TMEM117: variants seen among roughly 807,000 people sequenced by gnomAD.
TMEM117 encodes the protein transmembrane protein 117.
A neutral mutation model predicts 52.4 loss-of-function variants in TMEM117; 27 were observed. The ratio of observed to expected loss-of-function variants is 0.51; its 90% CI spans 0.38 to 0.71. TMEM117 has a LOEUF of 0.71. Among genes scored for constraint, TMEM117 ranks in the 30% least tolerant of loss-of-function variants. TMEM117 has a pLI of 0.00. For missense variants in TMEM117, 556 were observed against 630.5 expected, an observed-to-expected ratio of 0.88 and a Z score of 1.26; for synonymous variants, 215 against 206.3, an observed-to-expected ratio of 1.04 and a Z score of -0.36.
intron 3 of TMEM117, among the ~76,000 whole-genome samples, chr12:43,975,771 CA>C (rs1329888562): frequency 1.3e-5 from 2 of 152,136 alleles, no homozygotes; most frequent in Non-Finnish European, 2.9e-5. Flanking sequence ...TGCTTTTATC[CA>C]TTAAACAAAG....
At chr12:44,344,309 C>A (rs941722427) in intron 6 of TMEM117, among the ~76,000 whole-genome samples, 1 of 152,052 alleles carries the variant, frequency 6.6e-6, no homozygotes, top group Non-Finnish European at 1.5e-5. Context: ...GAACAGACAC[C>A]CAGGGCTAGC....
chr12:43,987,166 C>T (rs916469518), intron 3 of TMEM117, among the ~76,000 whole-genome samples: 1 of 152,120 alleles, frequency 6.6e-6, no homozygotes, highest in African/African-American at 2.4e-5. Flanking sequence ...CAGACACAAG[C>T]ACACATAGAG....
intron 4 of TMEM117, among the ~76,000 whole-genome samples, chr12:44,161,246 C>G (rs1011068494): frequency 3.3e-5 from 5 of 152,110 alleles, no homozygotes; most frequent in African/African-American, 1.2e-4. Context: ...CTGTTCCTAT[C>G]TTAATAAACA....
At chr12:43,917,799 A>G (rs1482214616) in intron 2 of TMEM117, among the ~76,000 whole-genome samples, 3 of 152,284 alleles carry the variant, frequency 2.0e-5, no homozygotes, top group African/African-American at 7.2e-5. Context: ...ATAAACTCAT[A>G]GAAGGTGGGA....
chr12:44,392,888 A>G (rs1245366413), downstream of TMEM117, among the ~76,000 whole-genome samples: 4 of 152,104 alleles, frequency 2.6e-5, no homozygotes, highest in Admixed American at 2.6e-4. Context: ...ATGAGAAGAG[A>G]AAGAAAAATC....
intron 4 of TMEM117, among the ~76,000 whole-genome samples, chr12:44,171,779 G>T (rs1048090015): frequency 6.6e-6 from 1 of 152,098 alleles, no homozygotes; most frequent in Non-Finnish European, 1.5e-5. Flanking sequence ...ATCAAGACTG[G>T]GAGAGGGGAC....
At chr12:44,093,737 C>T (rs1215133943) in intron 3 of TMEM117, among the ~76,000 whole-genome samples, 1 of 128,750 alleles carries the variant, frequency 7.8e-6, no homozygotes, top group East Asian at 1.9e-4. Flanking sequence ...TACTAAGAGA[C>T]AGAATCATCT....
chr12:44,187,486 C>T (rs1306479608), intron 4 of TMEM117, among the ~76,000 whole-genome samples: 2 of 152,070 alleles, frequency 1.3e-5, no homozygotes, highest in Non-Finnish European at 1.5e-5. Context: ...GGGACAACAG[C>T]TATATATTTT....
At chr12:43,955,091 A>G (rs532472881) in intron 3 of TMEM117, among the ~76,000 whole-genome samples, 1 of 152,230 alleles carries the variant, frequency 6.6e-6, no homozygotes, top group Non-Finnish European at 1.5e-5. Flanking sequence ...ACACCGCTTC[A>G]TGTTAAAAAC....
chr12:44,151,581 C>G (rs1592560679), intron 4 of TMEM117, among the ~76,000 whole-genome samples: 1 of 139,448 alleles, frequency 7.2e-6, no homozygotes, highest in African/African-American at 2.7e-5. Context: ...CAGTATTTAT[C>G]CACCATTTAC....
intron 3 of TMEM117, among the ~76,000 whole-genome samples, chr12:44,108,552 T>C (rs1394690399): frequency 2.2e-5 from 2 of 91,628 alleles, no homozygotes; most frequent in Non-Finnish European, 3.7e-5. Context: ...TTTTTATGGC[T>C]GCATAGTATT....
At chr12:43,912,950 C>G (rs1486115065) in intron 2 of TMEM117, among the ~76,000 whole-genome samples, 1 of 152,056 alleles carries the variant, frequency 6.6e-6, no homozygotes, top group Non-Finnish European at 1.5e-5. Context: ...TAAAAGCTAT[C>G]CTAGGCTTTG....
chr12:44,394,333 T>G (rs1952172571), downstream of TMEM117, among the ~76,000 whole-genome samples: 1 of 152,154 alleles, frequency 6.6e-6, no homozygotes, highest in Non-Finnish European at 1.5e-5. Context: ...GTGAGGTGAA[T>G]ATGACAGGCA....
rs1002490400 is a variant in TMEM117 at position 44,339,590 on chromosome 12, A to G, written c.769-37005A>G. Among the ~76,000 whole-genome samples, 11 of 152,048 alleles carry G rather than the reference A, an allele frequency of 7.2e-5. No individual in the cohort carries two copies. The East Asian group carries it at 1.7e-3, about 24-fold the overall frequency. ...AACATTAATATACTATACAGATATC[A>G]CATAGCTTTTCTATAATCAGTAACT... On this transcript the variant is annotated intron_variant, in intron 6 of 7. Coordinates refer to ENST00000266534, the MANE Select transcript of TMEM117 (RefSeq NM_032256.3).
intron 6 of TMEM117, among the ~76,000 whole-genome samples, chr12:44,371,211 A>G (rs1199471327): frequency 1.3e-5 from 2 of 152,202 alleles, no homozygotes; most frequent in African/African-American, 2.4e-5. Context: ...AGGACACTTT[A>G]CAAGCTGGGG....
intron 6 of TMEM117, among the ~76,000 whole-genome samples, chr12:44,337,149 C>A (rs1215441873): frequency 7.2e-5 from 11 of 151,928 alleles, no homozygotes; most frequent in Admixed American, 3.3e-4. Flanking sequence ...AAAATATTTC[C>A]TTACAGTCAG....
chr12:44,006,301 G>T (rs1946194757), intron 3 of TMEM117, among the ~76,000 whole-genome samples: 4 of 152,230 alleles, frequency 2.6e-5, no homozygotes, highest in Admixed American at 2.0e-4. Context: ...TGAAGTGCTT[G>T]CAAGGTACCT....
intron 3 of TMEM117, among the ~76,000 whole-genome samples, chr12:44,116,442 C>G (rs1204509249): frequency 1.3e-5 from 2 of 152,166 alleles, no homozygotes; most frequent in Non-Finnish European, 2.9e-5. Flanking sequence ...GTATCTTTCT[C>G]TCAATCTCAG....
intron 5 of TMEM117, among the ~76,000 whole-genome samples, chr12:44,235,146 C>A (rs886130610): frequency 6.6e-6 from 1 of 151,440 alleles, no homozygotes; most frequent in African/African-American, 2.4e-5. Context: ...AATTTGTAAG[C>A]CATCATTTTT....
Sources: allele counts gnomAD v4.1 joint callset (sites outside exome capture counted in the v4.1 genomes callset), GRCh38; gene constraint gnomAD v4.1.1; transcripts MANE v1.5; gene names NCBI Gene and HGNC (gene_info 2026-07-23, HGNC 2026-07-21).